Variants in SLC5A4 observed in about 807,000 individuals in gnomAD.
SLC5A4 encodes solute carrier family 5 member 4.
Under a neutral mutation model 70.3 loss-of-function variants are expected in SLC5A4, and 55 were observed. That is an observed-to-expected ratio of 0.78 (90% confidence interval 0.63 to 0.98). The LOEUF (loss-of-function observed/expected upper bound fraction) is 0.98, where lower values mean the gene tolerates loss of function less well. Ranked by LOEUF, SLC5A4 falls within the 50% of genes least tolerant of loss-of-function variation. The pLI, the probability that SLC5A4 is intolerant of heterozygous loss-of-function variation, is 0.00. For missense variants in SLC5A4, 735 were observed against 839.2 expected (o/e 0.88, Z 1.53); for synonymous variants, 268 against 305.7 (o/e 0.88, Z 1.29).
intron 2 of SLC5A4, among the ~76,000 whole-genome samples, chr22:32,252,282 C>T (rs1241285472): frequency 1.3e-5 from 2 of 151,578 alleles, no homozygotes; most frequent in African/African-American, 2.4e-5. Context: ...TCAGTCACTA[C>T]TCCTCAGAGC....
chr22:32,245,468 G>A (rs1178265732), intron 5 of SLC5A4, among the ~76,000 whole-genome samples: 2 of 152,116 alleles, frequency 1.3e-5, no homozygotes, highest in African/African-American at 2.4e-5. Flanking sequence ...ACTGTGCATT[G>A]TCCTCTGTTC....
chr22:32,328,479 T>C, the SLC5A4 span, among the ~76,000 whole-genome samples: 21 of 152,244 alleles, frequency 1.4e-4, no homozygotes, highest in South Asian at 4.1e-4. Context: ...TCTTTTTGGG[T>C]GGTCAGCTGT....
At chr22:32,246,443 CTT>C (rs1332600413) in intron 5 of SLC5A4, among the ~76,000 whole-genome samples, 1 of 152,308 alleles carries the variant, frequency 6.6e-6, no homozygotes, top group East Asian at 1.9e-4. Context: ...ATAAGTTACT[CTT>C]TGTTTTTTAC....
chr22:32,240,488 T>C (rs1569375806), intron 5 of SLC5A4, among the ~76,000 whole-genome samples: 2 of 152,206 alleles, frequency 1.3e-5, no homozygotes, highest in African/African-American at 4.8e-5. Flanking sequence ...TAATAATGTA[T>C]ATGTTCTTAG....
the SLC5A4 span, chr22:32,271,261 A>C: frequency 1.3e-6 from 1 of 782,966 alleles, no homozygotes; most frequent in Non-Finnish European, 2.2e-6. Flanking sequence ...CCTCATGGAC[A>C]GCTCCTTTGG....
chr22:32,250,361 A>C (rs867427392), intron 3 of SLC5A4, among the ~76,000 whole-genome samples: 2 of 151,982 alleles, frequency 1.3e-5, no homozygotes, highest in Middle Eastern at 3.2e-3. Flanking sequence ...TCTACAAAAA[A>C]CCAAAAACCT....
the SLC5A4 span, chr22:32,272,665 G>GT: frequency 1.8e-6 from 1 of 565,332 alleles, no homozygotes; most frequent in Non-Finnish European, 3.3e-6. Context: ...GCCAAGGAGA[G>GT]TTTTGGGGGC....
chr22:32,224,521 A>T (rs570038736), intron 12 of SLC5A4, 39 bp from the exon 13 acceptor site: 93 of 1,488,528 alleles, frequency 6.2e-5, no homozygotes, highest in Non-Finnish European at 8.5e-5. Context: ...ATGTTTAGAA[A>T]ATATGAGAAG....
the SLC5A4 span, among the ~76,000 whole-genome samples, chr22:32,347,138 A>G: frequency 6.6e-6 from 1 of 152,246 alleles, no homozygotes; most frequent in African/African-American, 2.4e-5. Context: ...ATAAATGCAA[A>G]TCAAAATCAC....
At chr22:32,279,996 C>T in the SLC5A4 span, among the ~76,000 whole-genome samples, 1 of 152,310 alleles carries the variant, frequency 6.6e-6, no homozygotes, top group South Asian at 2.1e-4. Context: ...AATTGCCTTA[C>T]TCCAGTTTTT....
intron 9 of SLC5A4, among the ~76,000 whole-genome samples, chr22:32,232,042 G>A (rs1473117673): frequency 2.6e-5 from 4 of 152,058 alleles, no homozygotes; most frequent in African/African-American, 9.7e-5. Flanking sequence ...ACCATGCCTA[G>A]CTACTTTATC....
intron 3 of SLC5A4, 41 bp downstream of exon 3, chr22:32,251,729 A>G: frequency 8.6e-7 from 1 of 1,159,708 alleles, no homozygotes; most frequent in East Asian, 2.3e-5. Flanking sequence ...GACACTGGAT[A>G]TGGTTTTGAT....
At chr22:32,264,400 C>A in the SLC5A4 span, among the ~76,000 whole-genome samples, 43 of 152,014 alleles carry the variant, frequency 2.8e-4, no homozygotes, top group South Asian at 8.7e-3. Context: ...TGGTGAGACC[C>A]CCATCTCTAC....
At chr22:32,290,688 TG>T in the SLC5A4 span, among the ~76,000 whole-genome samples, 1 of 152,046 alleles carries the variant, frequency 6.6e-6, no homozygotes, top group Admixed American at 6.6e-5. Flanking sequence ...CTGGCAGATG[TG>T]GGGTGTGCAG....
the SLC5A4 span, among the ~76,000 whole-genome samples, chr22:32,277,961 C>T: frequency 1.3e-5 from 2 of 152,018 alleles, no homozygotes; most frequent in Admixed American, 1.3e-4. Context: ...CATATCACAT[C>T]TTCAGAGCTG....
At chr22:32,232,834 A>T in intron 9 of SLC5A4, 65 bp downstream of exon 9, 1 of 1,528,184 alleles carries the variant, frequency 6.5e-7, no homozygotes, top group South Asian at 1.3e-5. Flanking sequence ...GTTTTATGAC[A>T]TTTTAAAAAC....
chr22:32,256,387 T>C (rs747623675), upstream of SLC5A4, among the ~76,000 whole-genome samples: 1 of 152,202 alleles, frequency 6.6e-6, no homozygotes, highest in Non-Finnish European at 1.5e-5. Flanking sequence ...GAAATTCTTC[T>C]TTTATACTTC....
the SLC5A4 span, among the ~76,000 whole-genome samples, chr22:32,288,668 A>T: frequency 0.4 from 61,217 of 151,708 alleles, 12,543 homozygotes; most frequent in Non-Finnish European, 0.44. Context: ...TGCCTCAGCC[A>T]CCCGAGTAGC....
At chr22:32,239,540 A>ATTTATATATATATT in intron 5 of SLC5A4, among the ~76,000 whole-genome samples, 1 of 12,912 alleles carries the variant, frequency 7.7e-5, no homozygotes, top group Middle Eastern at 0.025. Context: ...ATATATATAT[A>ATTTATATATATATT]TATATATATA....
Sources: gnomAD v4.1 joint callset for allele counts (sites outside exome capture counted in the v4.1 genomes callset) on GRCh38, gnomAD v4.1.1 for gene constraint, MANE v1.5 for transcripts, NCBI Gene and HGNC (gene_info 2026-07-23, HGNC 2026-07-21) for gene names.